Variants in CFAP99 observed in about 807,000 individuals in gnomAD.
The protein encoded by CFAP99 is cilia and flagella associated protein 99.
Under a neutral mutation model 82.7 loss-of-function variants are expected in CFAP99, and 84 were observed. The ratio of observed to expected loss-of-function variants is 1.02; its 90% CI spans 0.85 to 1.22. The LOEUF (loss-of-function observed/expected upper bound fraction) is 1.22, where lower values mean the gene tolerates loss of function less well. CFAP99 is among the 50% of genes most tolerant of loss of function. CFAP99 has a pLI of 0.00. For missense variants in CFAP99, 1,059 were observed against 983.5 expected, an observed-to-expected ratio of 1.08 and a Z score of -1.03; for synonymous variants, 456 against 429.5, an observed-to-expected ratio of 1.06 and a Z score of -0.76.
At chr4:2,429,599 T>C (rs145309416) in intron 2 of CFAP99, among the ~76,000 whole-genome samples, 18,882 of 150,948 alleles carry the variant, frequency 0.13, 1,254 homozygotes, top group Non-Finnish European at 0.15. Flanking sequence ...CTTTCTTTTT[T>C]TTTTTTTTTT....
At chr4:2,455,486 A>G (rs1734406801) in intron 11 of CFAP99, among the ~76,000 whole-genome samples, 1 of 151,790 alleles carries the variant, frequency 6.6e-6, no homozygotes, top group Non-Finnish European at 1.5e-5. Context: ...CAGCCTGGCC[A>G]ACATGGTGAA....
At chr4:2,424,217 G>A (rs1307599450) in intron 1 of CFAP99, among the ~76,000 whole-genome samples, 1 of 152,214 alleles carries the variant, frequency 6.6e-6, no homozygotes, top group South Asian at 2.1e-4. Context: ...TCAGGAGTTT[G>A]AGACCAGCCT....
intron 2 of CFAP99, among the ~76,000 whole-genome samples, chr4:2,430,844 A>G (rs1733784740): frequency 6.6e-6 from 1 of 151,938 alleles, no homozygotes; most frequent in Admixed American, 6.6e-5. Context: ...AGGCTGAGGT[A>G]GGAGGATTGC....
At chr4:2,440,149 C>CTTTTTATTTTTTT (rs1734001661) in intron 4 of CFAP99, among the ~76,000 whole-genome samples, 1 of 104,034 alleles carries the variant, frequency 9.6e-6, no homozygotes. Flanking sequence ...GCTTGACATT[C>CTTTTTATTTTTTT]TTTTTTTTTT....
At position 2,431,821 on chromosome 4, in the gene CFAP99, A is replaced by G. The variant is rs147152165; in HGVS notation, c.112-5053A>G. Among the ~76,000 whole-genome samples the G allele has an allele frequency of 6.4e-3, 968 of 152,154 alleles. 4 individuals carry two copies. Among genetic ancestry groups the G allele is most frequent in the Middle Eastern group, 0.02 (6 of 294 alleles). Reference sequence around the variant, plus strand: ...CACTTCCACCTCCCAGGTTCAAGCAATTCTCGTGCATGAGCCTCCCAAGTA... The same window carrying G: ...CACTTCCACCTCCCAGGTTCAAGCAGTTCTCGTGCATGAGCCTCCCAAGTA... On this transcript the variant is annotated intron_variant, in intron 2 of 14. Transcript: ENST00000635017.
intron 11 of CFAP99, among the ~76,000 whole-genome samples, chr4:2,455,168 G>A (rs530101327): frequency 9.9e-4 from 151 of 152,350 alleles, no homozygotes; most frequent in African/African-American, 3.4e-3. Flanking sequence ...CCAAAATACT[G>A]GGATTACGGA....
Position 2,459,265 on chromosome 4 carries a change from A to C in CFAP99, c.1455+7A>C, listed in dbSNP as rs1343403117. 3.9e-6 allele frequency: 6 copies of C among 1,530,612 alleles called. 1 individual carries two copies. In the South Asian group the frequency reaches 7.2e-5, roughly 18 times the overall value. The allele number at this position is 1,530,612 out of a possible 1,614,324, so 94.8% of individuals were successfully genotyped here. A position where few individuals can be genotyped will look rare whatever the true frequency, so the allele number is the denominator to read the frequency against. On this transcript the variant is annotated splice_region_variant and intron_variant, in intron 13 of 14. Transcript: ENST00000635017. ...GCTCGTGGACCTGACCCAGGTGAGGATGCAGTCCTGGACGGGCCCATGCCT... is the reference window on the plus strand; with the variant it reads ...GCTCGTGGACCTGACCCAGGTGAGGCTGCAGTCCTGGACGGGCCCATGCCT...
At chr4:2,462,988 G>T, downstream of CFAP99, 3 of 964,978 alleles carry the variant, frequency 3.1e-6, no homozygotes, top group Non-Finnish European at 4.0e-6. The surrounding 1 kb of genome is among the most constrained non-coding windows in gnomAD (Gnocchi z 4.1). Flanking sequence ...CCCCAATAAA[G>T]AGTGCGGCCC....
At chr4:2,429,737 G>T (rs1023809828) in intron 2 of CFAP99, among the ~76,000 whole-genome samples, 1 of 151,962 alleles carries the variant, frequency 6.6e-6, no homozygotes, top group Non-Finnish European at 1.5e-5. Context: ...GACTACAGGC[G>T]CCCGCCACCA....
chr4:2,462,116 C>T lies in CFAP99; in HGVS notation c.1662-327C>T, dbSNP rs1217520439. 5.2e-6 allele frequency: 1 copy of T among 194,124 alleles called. No individual in the cohort carries two copies. The highest frequency in any genetic ancestry group is 2.3e-5 in the African/African-American group (1 of 42,918). The allele number at this position is 194,124 out of a possible 1,614,324, so 12.0% of individuals were successfully genotyped here. The stretch of plus-strand genomic sequence containing the variant: ...AGGCTGCAGTGAGCCATGATCGCGC[C>T]ACTGCACTCCAGCCTGGGCGACAGA... On this transcript the variant is annotated intron_variant, in intron 14 of 14. Transcript: ENST00000635017. The surrounding 1 kb of genome is among the most constrained non-coding windows in gnomAD (Gnocchi z 4.1).
chr4:2,454,094 G>A (rs1734368239), intron 11 of CFAP99, among the ~76,000 whole-genome samples: 2 of 152,076 alleles, frequency 1.3e-5, no homozygotes, highest in Non-Finnish European at 2.9e-5. Flanking sequence ...CACCTCCTGG[G>A]TTTAAGAAAT....
Position 2,449,916 on chromosome 4 carries a change from GC to G in CFAP99, c.724-17del. 1 of 1,536,088 alleles carries G rather than the reference GC, an allele frequency of 6.5e-7. No homozygotes were observed. On this transcript the variant is annotated splice_polypyrimidine_tract_variant and intron_variant, in intron 7 of 14. Transcript: ENST00000635017. The stretch of plus-strand genomic sequence containing the variant: ...GGCAGAGGCTGGTGGGACTGGAGCC[GC>G]TGTGTCACTGTGGCAGGAGCTGCTG...
At chr4:2,449,982 A>G (rs1734265336) in exon 8 of CFAP99, 1 of 1,536,178 alleles carries the variant, frequency 6.5e-7, no homozygotes, top group African/African-American at 1.4e-5. Flanking sequence ...CGCCATGCCC[A>G]GGTCCTGCAG....
At chr4:2,451,229 C>A in intron 9 of CFAP99, 35 bp from the exon 10 acceptor site, 1 of 1,534,268 alleles carries the variant, frequency 6.5e-7, no homozygotes, top group South Asian at 1.2e-5. Context: ...AGGGTCTCCT[C>A]AAGCCCCCAC....
chr4:2,443,233 C>G, exon 5 of CFAP99: 1 of 1,533,936 alleles, frequency 6.5e-7, no homozygotes. Flanking sequence ...TGGATCGACC[C>G]CCTGATGAGG....
chr4:2,462,910 G>A lies in CFAP99; in HGVS notation c.2129G>A (p.Arg710His). ...GGCTCAGGACCCGGGCCCGCGCGCC[G>A]CCTGGAGGCCGCCTGAGCCGGGCCG... Residue 710 changes from arginine to histidine, a missense_variant, in exon 15 of 15, where the codon CGC becomes CAC. By Grantham distance (29) the Arg-to-His change is conservative. Transcript: ENST00000635017. The surrounding 1 kb of genome is among the most constrained non-coding windows in gnomAD (Gnocchi z 4.1). 1 of 1,306,906 alleles carries A rather than the reference G, an allele frequency of 7.7e-7. No homozygotes were observed. Among genetic ancestry groups the A allele is most frequent in the Non-Finnish European group, 9.7e-7 (1 of 1,034,624 alleles). 81.0% of individuals were successfully genotyped at this position (1,306,906 alleles called of 1,614,324 possible).
intron 2 of CFAP99, among the ~76,000 whole-genome samples, chr4:2,433,167 G>T (rs1733833604): frequency 1.3e-5 from 2 of 152,226 alleles, no homozygotes; most frequent in African/African-American, 2.4e-5. Context: ...GAGTGGCCCT[G>T]CCCAACCCGC....
chr4:2,444,355 C>A (rs1041161455), intron 5 of CFAP99, among the ~76,000 whole-genome samples: 1 of 152,196 alleles, frequency 6.6e-6, no homozygotes, highest in African/African-American at 2.4e-5. Flanking sequence ...AGGACCAGCC[C>A]CTCTCCCCAA....
rs1734171231 is a variant in CFAP99, at chr4:2,446,557, T to A, written c.642+1249T>A. On this transcript the variant is annotated intron_variant, in intron 6 of 14. Coordinates refer to ENST00000635017, the Ensembl canonical transcript of CFAP99. The surrounding 1 kb of genome is among the most constrained non-coding windows in gnomAD (Gnocchi z 5.0). The stretch of plus-strand genomic sequence containing the variant: ...ACAGGTACCGGCCACCACACCCGGC[T>A]AATTTTTATATTTTTAGTAGAGGTA... Among the ~76,000 whole-genome samples the A allele has an allele frequency of 6.6e-6, 1 of 152,032 alleles. No individual in the cohort carries two copies. Among genetic ancestry groups the A allele is most frequent in the Non-Finnish European group, 1.5e-5 (1 of 68,006 alleles).
Sources: allele counts gnomAD v4.1 joint callset (sites outside exome capture counted in the v4.1 genomes callset), GRCh38; gene constraint gnomAD v4.1.1; non-coding constraint Gnocchi (gnomAD v3.1); transcripts MANE v1.5; gene names NCBI Gene and HGNC (gene_info 2026-07-23, HGNC 2026-07-21).